DUSP29: variants seen among roughly 807,000 people sequenced by gnomAD.
DUSP29 encodes the protein atypical dual-specific protein phosphatase.
In DUSP29, 12 loss-of-function variants were observed where a neutral mutation model predicts 13.5. The observed-to-expected ratio is 0.89, with a 90% CI of 0.57 to 1.44. The LOEUF is 1.44. Among genes scored for constraint, DUSP29 ranks in the 40% most tolerant of loss-of-function variants. The pLI is 0.00. For synonymous variants in DUSP29, 134 were observed against 128.7 expected (o/e 1.04, Z -0.28); for missense variants, 308 against 301.1 (o/e 1.02, Z -0.17).
intron 1 of DUSP29, among the ~76,000 whole-genome samples, chr10:75,058,809 G>A (rs1185322286): frequency 6.6e-6 from 1 of 152,186 alleles, no homozygotes; most frequent in African/African-American, 2.4e-5. Context: ...GGCGGGCTCT[G>A]GAGCTAAGAA....
At chr10:75,043,399 T>C (rs1846626652) in intron 3 of DUSP29, among the ~76,000 whole-genome samples, 1 of 152,220 alleles carries the variant, frequency 6.6e-6, no homozygotes, top group Non-Finnish European at 1.5e-5. Flanking sequence ...CCTCCGCCTT[T>C]TGAAGGATGG....
chr10:75,071,667 C>T (rs1210889274), intron 1 of DUSP29, among the ~76,000 whole-genome samples: 3 of 152,216 alleles, frequency 2.0e-5, no homozygotes, highest in African/African-American at 7.2e-5. Context: ...CAAGTGAGAT[C>T]CTGATACCGG....
At chr10:75,038,198 CCCCACAGCTG>C in intron 3 of DUSP29, 121 bp from the exon 4 acceptor site, 1 of 1,316,948 alleles carries the variant, frequency 7.6e-7, no homozygotes, top group East Asian at 2.5e-5. Context: ...CAGCACTGTG[CCCCACAGCTG>C]CCTCTGTAGA....
chr10:75,054,967 G>A (rs754215333), intron 2 of DUSP29, among the ~76,000 whole-genome samples: 5 of 151,940 alleles, frequency 3.3e-5, no homozygotes, highest in Non-Finnish European at 7.4e-5. Context: ...AGCCCCCCAA[G>A]TAGCTGGGAC....
rs780726790 is a variant in DUSP29, at chr10:75,058,458, C to T, written c.57G>A (p.Arg19=). The T allele has an allele frequency of 1.9e-6, 3 of 1,614,252 alleles. No individual in the cohort carries two copies. The highest frequency in any genetic ancestry group is 1.1e-5 in the South Asian group (1 of 91,086). Residue 19 remains arginine, a synonymous_variant, in exon 2 of 4, where the codon AGG becomes AGA. Coordinates refer to ENST00000338487, the MANE Select transcript of DUSP29 (RefSeq NM_001003892.3). ...SLKNAYSSAK[R]LSPKMEEEGE... ...CTTCCTCCTCCATCTTCGGCGACAG[C>T]CTCTTGGCAGATGAGTAGGCATTCT...
rs963576990 is a variant in DUSP29 at position 75,037,672 on chromosome 10, C to T, written c.*164G>A. On this transcript the variant is annotated 3_prime_UTR_variant, in exon 4 of 4. Coordinates refer to ENST00000338487, the MANE Select transcript of DUSP29 (RefSeq NM_001003892.3). ...AGCGCTCAGCTCTGCCCGGGGGCAG[C>T]TCTGGGTCCTCCCTGTCCCCAGCAC... is the stretch of plus-strand genomic sequence containing the variant. 1.3e-5 allele frequency among the ~76,000 whole-genome samples: 2 copies of T among 152,184 alleles called. No homozygotes were observed. Among genetic ancestry groups the T allele is most frequent in the African/African-American group, 4.8e-5 (2 of 41,452 alleles).
In DUSP29 at chr10:75,041,790, T is replaced by C. The variant is rs143744832; in HGVS notation, c.421+2007A>G. On this transcript the variant is annotated intron_variant, in intron 3 of 3. Coordinates refer to ENST00000338487, the MANE Select transcript of DUSP29 (RefSeq NM_001003892.3). ...TATCTACTCTCCTCCGTTGGCCCTT[T>C]GTTTGCTAGGTGCCACCTGGTCTAA... is the stretch of plus-strand genomic sequence containing the variant. 7.3e-3 allele frequency among the ~76,000 whole-genome samples: 1,111 copies of C among 152,282 alleles called. 9 individuals carry two copies. Among genetic ancestry groups the C allele is most frequent in the Middle Eastern group, 0.024 (7 of 294 alleles).
intron 1 of DUSP29, among the ~76,000 whole-genome samples, chr10:75,065,649 C>A (rs1336533849): frequency 6.6e-6 from 1 of 151,862 alleles, no homozygotes; most frequent in Non-Finnish European, 1.5e-5. Context: ...TTTGAAGAGC[C>A]ACATACAGGC....
intron 3 of DUSP29, 57 bp downstream of exon 3, chr10:75,043,740 G>C: frequency 6.8e-7 from 1 of 1,476,606 alleles, no homozygotes; most frequent in Non-Finnish European, 9.1e-7. Context: ...CTACGGGCGG[G>C]GCGAGTCGGG....
chr10:75,058,621 G>T (rs970475858), intron 1 of DUSP29, 73 bp from the exon 2 acceptor site: 3 of 1,273,280 alleles, frequency 2.4e-6, no homozygotes, highest in African/African-American at 3.0e-5. Flanking sequence ...TACAAAAAGA[G>T]GTGGGAATAA....
At chr10:75,053,605 G>A (rs1435763183) in intron 2 of DUSP29, among the ~76,000 whole-genome samples, 12 of 152,056 alleles carry the variant, frequency 7.9e-5, no homozygotes, top group Non-Finnish European at 1.2e-4. Flanking sequence ...AGTACTCACC[G>A]CTGTTTCTGT....
intron 2 of DUSP29, among the ~76,000 whole-genome samples, chr10:75,053,332 C>T (rs897030736): frequency 1.3e-5 from 2 of 152,324 alleles, no homozygotes; most frequent in South Asian, 2.1e-4. Context: ...TCTTTGAAAT[C>T]CTACCCATCT....
intron 2 of DUSP29, among the ~76,000 whole-genome samples, chr10:75,052,880 T>C (rs187678671): frequency 5.7e-4 from 87 of 152,398 alleles, no homozygotes; most frequent in African/African-American, 2.0e-3. Flanking sequence ...AGTTATACTT[T>C]CCTGCCCCAC....
intron 2 of DUSP29, among the ~76,000 whole-genome samples, chr10:75,045,506 A>G (rs1846687894): frequency 6.6e-6 from 1 of 152,210 alleles, no homozygotes. Flanking sequence ...ATACAAAATG[A>G]CTGTGGTCCT....
chr10:75,069,057 G>A (rs1352345678), intron 1 of DUSP29, among the ~76,000 whole-genome samples: 1 of 152,014 alleles, frequency 6.6e-6, no homozygotes, highest in Non-Finnish European at 1.5e-5. Flanking sequence ...AAATACAGAA[G>A]AGCCTTCATT....
At chr10:75,039,649 G>A (rs561579236) in intron 3 of DUSP29, among the ~76,000 whole-genome samples, 7 of 152,286 alleles carry the variant, frequency 4.6e-5, no homozygotes, top group South Asian at 4.2e-4. Context: ...GCTCCGCCCC[G>A]CAGCCAGGTG....
intron 2 of DUSP29, among the ~76,000 whole-genome samples, chr10:75,055,246 T>G (rs941701347): frequency 2.6e-5 from 4 of 152,166 alleles, no homozygotes; most frequent in Admixed American, 1.3e-4. Context: ...CTTCAAACAG[T>G]GTTATAATAA....
intron 1 of DUSP29, among the ~76,000 whole-genome samples, chr10:75,072,584 C>A (rs1847354229): frequency 6.6e-6 from 1 of 151,932 alleles, no homozygotes; most frequent in Non-Finnish European, 1.5e-5. Flanking sequence ...GTCGGTGGGA[C>A]CAAATGATAT....
intron 1 of DUSP29, among the ~76,000 whole-genome samples, chr10:75,066,273 G>T (rs1251581676): frequency 6.6e-6 from 1 of 152,090 alleles, no homozygotes; most frequent in Non-Finnish European, 1.5e-5. Context: ...CTGAGAACGG[G>T]GGTTCCCAAC....
Sources: allele counts gnomAD v4.1 joint callset (sites outside exome capture counted in the v4.1 genomes callset), GRCh38; gene constraint gnomAD v4.1.1; transcripts MANE v1.5; gene names NCBI Gene and HGNC (gene_info 2026-07-23, HGNC 2026-07-21).